Variants in MYO16 observed in about 807,000 individuals in gnomAD.
MYO16 encodes myosin XVI.
A neutral mutation model predicts 205.3 loss-of-function variants in MYO16; 94 were observed. The observed-to-expected ratio is 0.46, with a 90% CI of 0.39 to 0.54. The LOEUF (loss-of-function observed/expected upper bound fraction) is 0.54, where lower values mean the gene tolerates loss of function less well. MYO16 is among the 20% of genes least tolerant of loss of function. The pLI is 0.00. For missense variants in MYO16, 2,315 were observed against 2,387.5 expected (o/e 0.97, Z 0.63); for synonymous variants, 988 against 954.0 (o/e 1.04, Z -0.66).
intron 7 of MYO16, among the ~76,000 whole-genome samples, chr13:108,812,474 G>A (rs1162999962): frequency 3.3e-5 from 5 of 151,182 alleles, no homozygotes; most frequent in Non-Finnish European, 7.4e-5. Context: ...GAGTGCGCAC[G>A]CCCCTTGAGA....
chr13:108,612,731 A>G (rs940206918), intron 1 of MYO16, among the ~76,000 whole-genome samples: 2 of 152,150 alleles, frequency 1.3e-5, no homozygotes, highest in Admixed American at 6.6e-5. Flanking sequence ...CTGACTTTTG[A>G]CAACCCATTC....
At chr13:108,836,436 G>C (rs1211506337) in intron 9 of MYO16, among the ~76,000 whole-genome samples, 8 of 152,248 alleles carry the variant, frequency 5.3e-5, no homozygotes, top group Admixed American at 2.0e-4. Flanking sequence ...GAAATGTGGG[G>C]TTGGAGCCTC....
At chr13:108,686,813 G>A (rs914363337) in intron 2 of MYO16, among the ~76,000 whole-genome samples, 7 of 152,336 alleles carry the variant, frequency 4.6e-5, no homozygotes, top group African/African-American at 1.2e-4. Flanking sequence ...GGACAATGCC[G>A]CAGCAGTGGG....
At chr13:108,980,755 T>C (rs546780707) in intron 20 of MYO16, among the ~76,000 whole-genome samples, 1 of 152,354 alleles carries the variant, frequency 6.6e-6, no homozygotes, top group African/African-American at 2.4e-5. Flanking sequence ...GGCATCTTTA[T>C]GTGTGGAGGT....
At chr13:109,122,837 T>G (rs1406089361) in intron 29 of MYO16, among the ~76,000 whole-genome samples, 6 of 152,232 alleles carry the variant, frequency 3.9e-5, no homozygotes, top group African/African-American at 1.4e-4. Flanking sequence ...TTCATAGCTC[T>G]TAAAACAGTT....
intron 2 of MYO16, among the ~76,000 whole-genome samples, chr13:108,674,956 G>A (rs1882138222): frequency 6.6e-6 from 1 of 152,212 alleles, no homozygotes; most frequent in South Asian, 2.1e-4. Context: ...CCCTGTTCCA[G>A]AGTGGCACCA....
At chr13:108,649,584 A>T (rs1035218758) in intron 1 of MYO16, among the ~76,000 whole-genome samples, 1 of 152,258 alleles carries the variant, frequency 6.6e-6, no homozygotes, top group African/African-American at 2.4e-5. Flanking sequence ...TATTTTGAAT[A>T]CAAATTAGTA....
chr13:108,991,037 C>T (rs1884810641), intron 20 of MYO16, among the ~76,000 whole-genome samples: 1 of 152,090 alleles, frequency 6.6e-6, no homozygotes, highest in Non-Finnish European at 1.5e-5. Flanking sequence ...AACAGTGTAC[C>T]CATAGCGTAC....
intron 4 of MYO16, 49 bp downstream of exon 4, chr13:108,727,632 A>G (rs757803744): frequency 6.4e-7 from 1 of 1,569,330 alleles, no homozygotes; most frequent in Admixed American, 1.9e-5. Context: ...TGGCATGTAA[A>G]AGGCTATATA....
At chr13:108,766,026 T>C (rs1885766585) in intron 4 of MYO16, among the ~76,000 whole-genome samples, 1 of 152,220 alleles carries the variant, frequency 6.6e-6, no homozygotes, top group Non-Finnish European at 1.5e-5. Context: ...CCATTTATTA[T>C]GGATAAAATT....
rs771781595 is a variant in MYO16 at position 109,019,707 on chromosome 13, T to C, written c.2596-4T>C. On this transcript the variant is annotated splice_region_variant and splice_polypyrimidine_tract_variant and intron_variant, in intron 22 of 34. Transcript: ENST00000457511. The stretch of plus-strand genomic sequence containing the variant: ...ACAACTCCCCATCTCTTCTTAACTC[T>C]CAGAAGCCATCTGGATTTCTCACCT... The C allele has an allele frequency of 6.2e-7, 1 of 1,612,470 alleles. No individual in the cohort carries two copies. Among genetic ancestry groups the C allele is most frequent in the South Asian group, 1.1e-5 (1 of 90,992 alleles).
chr13:109,200,473 G>A (rs144331175), intron 34 of MYO16, among the ~76,000 whole-genome samples: 89 of 152,194 alleles, frequency 5.8e-4, no homozygotes, highest in African/African-American at 1.9e-3. Flanking sequence ...CTTGTTTGTT[G>A]ATTCAAATAT....
chr13:108,676,478 A>G (rs1443562081), intron 2 of MYO16, among the ~76,000 whole-genome samples: 2 of 151,752 alleles, frequency 1.3e-5, no homozygotes, highest in Non-Finnish European at 2.9e-5. Context: ...GAGGTACTGT[A>G]CTGGGTTAAA....
intron 1 of MYO16, among the ~76,000 whole-genome samples, chr13:108,623,229 G>A (rs532984099): frequency 9.9e-5 from 15 of 152,240 alleles, no homozygotes; most frequent in South Asian, 4.1e-4. Flanking sequence ...GAACAATATC[G>A]TAACAATGAG....
At chr13:109,051,396 T>C (rs1458620844) in intron 24 of MYO16, among the ~76,000 whole-genome samples, 1 of 152,202 alleles carries the variant, frequency 6.6e-6, no homozygotes, top group African/African-American at 2.4e-5. Flanking sequence ...AACTGTCTGA[T>C]TGGCTAAGCG....
At chr13:108,688,841 C>G (rs1882784145) in intron 2 of MYO16, among the ~76,000 whole-genome samples, 1 of 152,136 alleles carries the variant, frequency 6.6e-6, no homozygotes, top group Non-Finnish European at 1.5e-5. Flanking sequence ...AAAAGTCACA[C>G]AGTGTTTTTA....
At chr13:108,495,895 G>T in the MYO16 span, among the ~76,000 whole-genome samples, 10 of 151,974 alleles carry the variant, frequency 6.6e-5, no homozygotes, top group African/African-American at 2.2e-4. Flanking sequence ...GTCGCCTGGC[G>T]CCCGGCTCCG....
intron 23 of MYO16, among the ~76,000 whole-genome samples, chr13:109,023,688 T>TATATTTGTATATATGTATATATACAA (rs1566468311): frequency 3.0e-5 from 3 of 100,256 alleles, no homozygotes; most frequent in African/African-American, 9.4e-5. Context: ...TATATATACA[T>TATATTTGTATATATGTATATATACAA]ATATATGTAT....
chr13:109,201,570 T>G (rs1566561057), intron 34 of MYO16: 1 of 152,024 alleles, frequency 6.6e-6, no homozygotes. Flanking sequence ...TTTTTGTTTG[T>G]CCAAGAACGT....
Sources: gnomAD v4.1 joint callset for allele counts (sites outside exome capture counted in the v4.1 genomes callset) on GRCh38, gnomAD v4.1.1 for gene constraint, MANE v1.5 for transcripts, NCBI Gene and HGNC (gene_info 2026-07-23, HGNC 2026-07-21) for gene names.